GPC5: variants seen among roughly 807,000 people sequenced by gnomAD.
The protein encoded by GPC5 is glypican-5.
A neutral mutation model predicts 53.9 loss-of-function variants in GPC5; 47 were observed. That is an observed-to-expected ratio of 0.87 (90% CI 0.69 to 1.11). GPC5 has a LOEUF of 1.11. GPC5 is among the 50% of genes most tolerant of loss of function. GPC5 has a pLI of 0.00. For missense variants in GPC5, 748 were observed against 713.1 expected (o/e 1.05, Z -0.56); for synonymous variants, 286 against 263.3 (o/e 1.09, Z -0.84).
intron 7 of GPC5, among the ~76,000 whole-genome samples, chr13:92,170,215 A>G (rs1166291000): frequency 6.6e-6 from 1 of 151,788 alleles, no homozygotes; most frequent in Admixed American, 6.6e-5. Context: ...TTCTATGTTT[A>G]TATTTATAAT....
intron 7 of GPC5, among the ~76,000 whole-genome samples, chr13:92,684,439 T>C (rs1887198496): frequency 6.6e-6 from 1 of 151,848 alleles, no homozygotes; most frequent in African/African-American, 2.4e-5. Context: ...CCCAGCTAAT[T>C]TTTGTATTTT....
At chr13:92,452,535 G>A (rs946613888) in intron 7 of GPC5, among the ~76,000 whole-genome samples, 1 of 151,440 alleles carries the variant, frequency 6.6e-6, no homozygotes. Context: ...AATACTTAAG[G>A]TAAAAAGCTA....
intron 7 of GPC5, among the ~76,000 whole-genome samples, chr13:92,519,871 T>C (rs1210666737): frequency 6.6e-6 from 1 of 151,672 alleles, no homozygotes; most frequent in Non-Finnish European, 1.5e-5. Flanking sequence ...ACAAAATTGA[T>C]AGACTGCTAG....
intron 7 of GPC5, among the ~76,000 whole-genome samples, chr13:92,459,406 A>T (rs1269919378): frequency 6.6e-6 from 1 of 152,202 alleles, no homozygotes; most frequent in East Asian, 1.9e-4. Context: ...TTATGAATTT[A>T]AATCTCTTGT....
At chr13:91,538,158 C>G (rs550604607) in intron 2 of GPC5, among the ~76,000 whole-genome samples, 254 of 152,258 alleles carry the variant, frequency 1.7e-3, no homozygotes, top group Non-Finnish European at 3.3e-3. Flanking sequence ...TTTGGATATT[C>G]TAATTTGAAA....
chr13:91,536,595 G>C (rs1244386449), intron 2 of GPC5, among the ~76,000 whole-genome samples: 5 of 152,186 alleles, frequency 3.3e-5, no homozygotes, highest in African/African-American at 1.2e-4. Context: ...AGGGTTGTGA[G>C]GGAAGGATCT....
At position 91,838,310 on chromosome 13, in the gene GPC5, C is replaced by T. The variant is rs139379567; in HGVS notation, c.1281-69627C>T. Among the ~76,000 whole-genome samples, 6 of 152,176 alleles carry T rather than the reference C, an allele frequency of 3.9e-5. No individual in the cohort carries two copies. The East Asian group carries it at 1.2e-3, about 30-fold the overall frequency. On this transcript the variant is annotated intron_variant, in intron 5 of 7. Transcript: ENST00000377067. ...CCAGGATCCAGTAACTAAAAGGACA[C>T]TCTTAGCTCAATAGGTGCTTCAGGC...
chr13:91,817,001 G>C (rs757328581), intron 5 of GPC5, among the ~76,000 whole-genome samples: 5 of 152,194 alleles, frequency 3.3e-5, no homozygotes, highest in Non-Finnish European at 7.4e-5. Flanking sequence ...CATCTCTCCA[G>C]TATAAAAAAT....
chr13:91,586,119 CTTAAA>C (rs913130773), intron 2 of GPC5, among the ~76,000 whole-genome samples: 46 of 150,496 alleles, frequency 3.1e-4, no homozygotes, highest in Non-Finnish European at 5.5e-4. Context: ...TTTTTTAAAA[CTTAAA>C]TTAATTGCAC....
At chr13:91,797,428 C>A (rs577776364) in intron 5 of GPC5, among the ~76,000 whole-genome samples, 1 of 152,086 alleles carries the variant, frequency 6.6e-6, no homozygotes, top group African/African-American at 2.4e-5. Flanking sequence ...CCCTAATAGT[C>A]TATTTTAATA....
chr13:92,587,962 GT>G (rs1883591624), intron 7 of GPC5, among the ~76,000 whole-genome samples: 1 of 151,936 alleles, frequency 6.6e-6, no homozygotes, highest in Non-Finnish European at 1.5e-5. Context: ...GAACATGCAG[GT>G]TTTTTACATA....
intron 7 of GPC5, among the ~76,000 whole-genome samples, chr13:92,645,080 T>C (rs1428241413): frequency 1.3e-5 from 2 of 152,190 alleles, no homozygotes; most frequent in Non-Finnish European, 2.9e-5. Flanking sequence ...GATAAAAGCA[T>C]AGTTACATAG....
At chr13:92,325,474 A>G (rs922249642) in intron 7 of GPC5, among the ~76,000 whole-genome samples, 1 of 152,080 alleles carries the variant, frequency 6.6e-6, no homozygotes, top group Non-Finnish European at 1.5e-5. Flanking sequence ...AATATACAGT[A>G]CCAGAGACCA....
chr13:92,771,934 G>A (rs1420385120), intron 7 of GPC5, among the ~76,000 whole-genome samples: 1 of 151,804 alleles, frequency 6.6e-6, no homozygotes, highest in African/African-American at 2.4e-5. Flanking sequence ...CCTCAACTAA[G>A]GCCTTAAATC....
intron 2 of GPC5, among the ~76,000 whole-genome samples, chr13:91,627,731 G>A (rs1394688470): frequency 2.0e-5 from 3 of 152,094 alleles, no homozygotes; most frequent in Non-Finnish European, 4.4e-5. Context: ...TTGAAGTTTT[G>A]TAAGATGTGA....
chr13:92,661,823 T>C (rs561569552), intron 7 of GPC5, among the ~76,000 whole-genome samples: 4 of 152,324 alleles, frequency 2.6e-5, no homozygotes, highest in African/African-American at 9.6e-5. Context: ...AAGATAAGAA[T>C]ACAGTGTGAA....
At chr13:92,403,815 T>C (rs1345742161) in intron 7 of GPC5, among the ~76,000 whole-genome samples, 1 of 152,218 alleles carries the variant, frequency 6.6e-6, no homozygotes, top group Admixed American at 6.5e-5. Context: ...ATTCTCCTTA[T>C]TGCTGATTTT....
intron 7 of GPC5, among the ~76,000 whole-genome samples, chr13:92,815,616 G>A (rs377018564): frequency 7.9e-5 from 12 of 151,824 alleles, no homozygotes; most frequent in South Asian, 2.1e-4. Flanking sequence ...TGTATGTATC[G>A]AAAAATGTTC....
intron 7 of GPC5, among the ~76,000 whole-genome samples, chr13:92,472,467 T>C (rs936518744): frequency 1.3e-5 from 2 of 152,102 alleles, no homozygotes; most frequent in African/African-American, 4.8e-5. Flanking sequence ...CCTTTCTTCT[T>C]ATGAAAGGCC....
Sources: allele counts gnomAD v4.1 joint callset (sites outside exome capture counted in the v4.1 genomes callset), GRCh38; gene constraint gnomAD v4.1.1; transcripts MANE v1.5; gene names NCBI Gene and HGNC (gene_info 2026-07-23, HGNC 2026-07-21).